The following SYNDIG1L variants were observed in gnomAD, a reference collection of about 807,000 sequenced individuals.
The protein encoded by SYNDIG1L is synapse differentiation inducing 1 like.
A neutral mutation model predicts 20.1 loss-of-function variants in SYNDIG1L; 13 were observed. That is an observed-to-expected ratio of 0.65 (90% confidence interval 0.42 to 1.03). SYNDIG1L has a LOEUF of 1.03. Ranked by LOEUF, SYNDIG1L falls within the 50% of genes least tolerant of loss-of-function variation. The probability of loss-of-function intolerance (pLI) is 0.00; values close to 1 mark genes in which losing one functional copy is unlikely to be tolerated. For synonymous variants in SYNDIG1L, 128 were observed against 129.3 expected (o/e 0.99, Z 0.07); for missense variants, 294 against 305.1 (o/e 0.96, Z 0.27).
At chr14:74,473,102 C>T in the SYNDIG1L span, among the ~76,000 whole-genome samples, 2 of 152,164 alleles carry the variant, frequency 1.3e-5, no homozygotes, top group Admixed American at 1.3e-4. Context: ...ATACTCCAGG[C>T]TGGGCGCGGT....
At chr14:74,449,805 G>T in the SYNDIG1L span, among the ~76,000 whole-genome samples, 1 of 151,832 alleles carries the variant, frequency 6.6e-6, no homozygotes, top group African/African-American at 2.4e-5. Flanking sequence ...TCAAAATGAT[G>T]ATCTCAAATT....
the SYNDIG1L span, among the ~76,000 whole-genome samples, chr14:74,468,467 C>T: frequency 9.2e-5 from 14 of 152,142 alleles, no homozygotes; most frequent in South Asian, 2.7e-3. Flanking sequence ...CCTCCCTTCT[C>T]GGGGACATTC....
intron 1 of SYNDIG1L, among the ~76,000 whole-genome samples, chr14:74,412,635 C>G (rs1595195126): frequency 6.6e-6 from 1 of 152,288 alleles, no homozygotes; most frequent in Non-Finnish European, 1.5e-5. Flanking sequence ...ACAGTCATCC[C>G]CTTCCCTACC....
the SYNDIG1L span, among the ~76,000 whole-genome samples, chr14:74,441,624 G>A: frequency 6.6e-6 from 1 of 152,076 alleles, no homozygotes; most frequent in East Asian, 1.9e-4. Context: ...TCCCACCTCA[G>A]GCTCCCAAGT....
chr14:74,475,523 A>G, the SYNDIG1L span, among the ~76,000 whole-genome samples: 30 of 151,556 alleles, frequency 2.0e-4, no homozygotes, highest in African/African-American at 7.3e-4. Flanking sequence ...GATTCTGGGG[A>G]AGTGCTCAAC....
At chr14:74,408,047 G>A in intron 2 of SYNDIG1L, 58 bp from the exon 3 acceptor site, 1 of 1,527,172 alleles carries the variant, frequency 6.5e-7, no homozygotes, top group Non-Finnish European at 8.8e-7. Flanking sequence ...CCATCAGGCT[G>A]GCAAGAGGTT....
At chr14:74,443,554 G>T in the SYNDIG1L span, among the ~76,000 whole-genome samples, 63,746 of 152,030 alleles carry the variant, frequency 0.42, 13,689 homozygotes, top group Non-Finnish European at 0.47. Flanking sequence ...TAAAGAACAT[G>T]ATGTGTATAA....
At chr14:74,454,927 G>C in the SYNDIG1L span, among the ~76,000 whole-genome samples, 1 of 152,230 alleles carries the variant, frequency 6.6e-6, no homozygotes, top group African/African-American at 2.4e-5. Context: ...TTGCCATGAA[G>C]GTAGTTTATA....
At chr14:74,462,632 A>G in the SYNDIG1L span, among the ~76,000 whole-genome samples, 1 of 152,012 alleles carries the variant, frequency 6.6e-6, no homozygotes, top group African/African-American at 2.4e-5. Flanking sequence ...CAGCTTCCCA[A>G]GTAGATAGGA....
upstream of SYNDIG1L, among the ~76,000 whole-genome samples, chr14:74,428,942 A>G (rs904895171): frequency 6.6e-6 from 1 of 152,146 alleles, no homozygotes; most frequent in African/African-American, 2.4e-5. Context: ...AGCTAATGCT[A>G]TTTACCAGAG....
chr14:74,437,208 G>T, the SYNDIG1L span, among the ~76,000 whole-genome samples: 1 of 152,194 alleles, frequency 6.6e-6, no homozygotes, highest in Non-Finnish European at 1.5e-5. Context: ...CCTCATGCCT[G>T]CTGTTTGAGG....
At chr14:74,440,151 G>A in the SYNDIG1L span, among the ~76,000 whole-genome samples, 3 of 151,700 alleles carry the variant, frequency 2.0e-5, no homozygotes, top group African/African-American at 4.8e-5. Flanking sequence ...AGGCCGATGC[G>A]GGCAGATCAC....
At position 74,409,639 on chromosome 14, in the gene SYNDIG1L, C is replaced by T; in HGVS notation, c.106G>A (p.Glu36Lys). 6.7e-7 allele frequency: 1 copy of T among 1,492,834 alleles called. No individual in the cohort carries two copies. Among genetic ancestry groups the T allele is most frequent in the African/African-American group, 1.4e-5 (1 of 70,868 alleles). 92.5% of individuals were successfully genotyped at this position (1,492,834 alleles called of 1,614,324 possible). The change falls in exon 2 of 4, where the codon GAA becomes AAA. Residue 36 changes from glutamate (E) to lysine (K), a missense_variant. Glu to Lys is a moderately conservative substitution (Grantham distance 56). Transcript: ENST00000331628. ...PETPPSWSCQ[E>K]KLYSYLLGGA... ...CCTAGGAGGTAGGAGTAGAGCTTTT[C>T]CTGGCAGGACCAGCTGGGTGGGGTC... is the stretch of plus-strand genomic sequence containing the variant.
At chr14:74,437,990 T>C in the SYNDIG1L span, among the ~76,000 whole-genome samples, 1 of 152,214 alleles carries the variant, frequency 6.6e-6, no homozygotes, top group African/African-American at 2.4e-5. Flanking sequence ...TGAAGTCCTG[T>C]CTAGAAATAT....
At chr14:74,462,732 C>T in the SYNDIG1L span, among the ~76,000 whole-genome samples, 2 of 152,122 alleles carry the variant, frequency 1.3e-5, no homozygotes, top group Non-Finnish European at 2.9e-5. Flanking sequence ...TCTCGAACTC[C>T]TGAACTCAAG....
At chr14:74,445,342 G>A in the SYNDIG1L span, among the ~76,000 whole-genome samples, 1 of 152,062 alleles carries the variant, frequency 6.6e-6, no homozygotes, top group Non-Finnish European at 1.5e-5. Flanking sequence ...CCCAGTCTCT[G>A]GTATTCCTTT....
rs571935774 is a variant in SYNDIG1L at position 74,421,620 on chromosome 14, G to A, written c.-58+4292C>T. Among the ~76,000 whole-genome samples, 10 of 152,320 alleles carry A rather than the reference G, an allele frequency of 6.6e-5. 1 individual carries two copies. In the South Asian group the frequency reaches 1.7e-3, roughly 25 times the overall value. On this transcript the variant is annotated intron_variant, in intron 1 of 3. Coordinates refer to ENST00000331628, the MANE Select transcript of SYNDIG1L (RefSeq NM_001105579.2). Reference sequence around the variant, plus strand: ...AAGAGCAGGATGGGGAGAAGTGGACGAGTTTTGTTTTAAAGTGTGTTAAAG... The same window carrying A: ...AAGAGCAGGATGGGGAGAAGTGGACAAGTTTTGTTTTAAAGTGTGTTAAAG...
the SYNDIG1L span, among the ~76,000 whole-genome samples, chr14:74,458,890 A>G: frequency 6.6e-5 from 10 of 151,900 alleles, no homozygotes; most frequent in Admixed American, 5.9e-4. Flanking sequence ...TTTTCCCTGC[A>G]CCCTCTGGAA....
chr14:74,437,164 G>A, the SYNDIG1L span, among the ~76,000 whole-genome samples: 1 of 152,168 alleles, frequency 6.6e-6, no homozygotes, highest in South Asian at 2.1e-4. Flanking sequence ...CAGCATATAA[G>A]CTCTAAGGCC....
Sources: gnomAD v4.1 joint callset for allele counts (sites outside exome capture counted in the v4.1 genomes callset) on GRCh38, gnomAD v4.1.1 for gene constraint, MANE v1.5 for transcripts, NCBI Gene and HGNC (gene_info 2026-07-23, HGNC 2026-07-21) for gene names.